The following LRCH1 variants were observed in gnomAD, a reference collection of about 807,000 sequenced individuals.
LRCH1 encodes leucine-rich repeat and calponin homology domain-containing protein 1.
In LRCH1, 23 loss-of-function variants were observed where a neutral mutation model predicts 94.9. The observed-to-expected ratio is 0.24, with a 90% confidence interval of 0.17 to 0.34. The LOEUF (loss-of-function observed/expected upper bound fraction) is 0.34. Among genes scored for constraint, LRCH1 ranks in the 10% least tolerant of loss-of-function variants. LRCH1 has a pLI of 1.00. For synonymous variants in LRCH1, 364 were observed against 354.9 expected, an observed-to-expected ratio of 1.03 and a Z score of -0.29; for missense variants, 790 against 945.9, an observed-to-expected ratio of 0.84 and a Z score of 2.16.
At chr13:46,648,679 G>A (rs2051253900) in intron 1 of LRCH1, among the ~76,000 whole-genome samples, 1 of 152,052 alleles carries the variant, frequency 6.6e-6, no homozygotes, top group South Asian at 2.1e-4. Context: ...TGAGATAATT[G>A]TCATCACCTT....
chr13:46,556,002 T>G (rs1370846867), intron 1 of LRCH1, among the ~76,000 whole-genome samples: 1 of 152,240 alleles, frequency 6.6e-6, no homozygotes, highest in Non-Finnish European at 1.5e-5. Flanking sequence ...CTAGTACAGT[T>G]GAAAGTTTGA....
In LRCH1 at chr13:46,689,209, A is replaced by T. The variant is rs199863265; in HGVS notation, c.1014+13A>T. On this transcript the variant is annotated intron_variant, in intron 7 of 19. Transcript: ENST00000389797. Reference sequence around the variant, plus strand: ...ATCTGCCACCGAGGTAAAGTTAGTGATCAGATTCTTTTCCTTCTGTACTTC... The same window carrying T: ...ATCTGCCACCGAGGTAAAGTTAGTGTTCAGATTCTTTTCCTTCTGTACTTC... 6.1e-5 allele frequency: 98 copies of T among 1,607,210 alleles called. No individual in the cohort carries two copies. The East Asian group carries it at 2.2e-3, about 36-fold the overall frequency.
intron 1 of LRCH1, among the ~76,000 whole-genome samples, chr13:46,557,853 C>A (rs1171226158): frequency 6.6e-6 from 1 of 151,834 alleles, no homozygotes; most frequent in Non-Finnish European, 1.5e-5. Flanking sequence ...AGAGAGACTC[C>A]ATCTCAAAAA....
At chr13:46,582,687 G>A (rs1278688440) in intron 1 of LRCH1, among the ~76,000 whole-genome samples, 2 of 36,146 alleles carry the variant, frequency 5.5e-5, no homozygotes, top group Admixed American at 4.0e-4. Flanking sequence ...TTTTAGTAGA[G>A]ACGGGGTCTC....
At position 46,709,099 on chromosome 13, in the gene LRCH1, G is replaced by A. The variant is rs1433789339; in HGVS notation, c.1528-2692G>A. Among the ~76,000 whole-genome samples the A allele has an allele frequency of 2.0e-5, 3 of 152,292 alleles. No homozygotes were observed. In the East Asian group the frequency reaches 5.8e-4, roughly 29 times the overall value. On this transcript the variant is annotated intron_variant, in intron 13 of 19. Transcript: ENST00000389797. ...AAACACTCCATCATTTAGGTAAAGT[G>A]TATATTATGTCCCTTTAAATTCATT... is the stretch of plus-strand genomic sequence containing the variant.
At chr13:46,640,126 T>G (rs2051140632) in intron 1 of LRCH1, among the ~76,000 whole-genome samples, 1 of 152,244 alleles carries the variant, frequency 6.6e-6, no homozygotes, top group Non-Finnish European at 1.5e-5. Context: ...AGTTGACTAC[T>G]AATTTAGTGG....
At chr13:46,704,929 A>G in intron 11 of LRCH1, 139 bp from the exon 12 acceptor site, 1 of 530,718 alleles carries the variant, frequency 1.9e-6, no homozygotes, top group South Asian at 3.4e-5. Flanking sequence ...AATTTCTGTC[A>G]TAAACTTTTC....
Position 46,744,648 on chromosome 13 carries a change from C to A in LRCH1, c.*2800C>A, listed in dbSNP as rs1185693573. ...TTTGTTTGTAAGAAATTAAAACTAG[C>A]GCGTGGTGAGCTGGGTTATCTCTCG... On this transcript the variant is annotated 3_prime_UTR_variant, in exon 20 of 20. Coordinates refer to ENST00000389797, the MANE Select transcript of LRCH1 (RefSeq NM_001164211.2). The A allele has an allele frequency of 4.1e-6, 4 of 985,222 alleles. No homozygotes were observed. The highest frequency in any genetic ancestry group is 4.8e-6 in the Non-Finnish European group (4 of 829,926). 61.0% of individuals were successfully genotyped at this position (985,222 alleles called of 1,614,324 possible).
At chr13:46,706,418 C>G (rs1871763411) in intron 13 of LRCH1, among the ~76,000 whole-genome samples, 2 of 152,124 alleles carry the variant, frequency 1.3e-5, no homozygotes, top group South Asian at 4.1e-4. Context: ...ACTGTACCAC[C>G]TCTTCCCTGG....
At chr13:46,618,234 C>T (rs546894919) in intron 1 of LRCH1, among the ~76,000 whole-genome samples, 37 of 152,302 alleles carry the variant, frequency 2.4e-4, no homozygotes, top group Non-Finnish European at 5.3e-4. Context: ...TCCTCTCCCC[C>T]TAACCTGACA....
chr13:46,585,801 A>T (rs2050429340), intron 1 of LRCH1, among the ~76,000 whole-genome samples: 1 of 151,646 alleles, frequency 6.6e-6, no homozygotes, highest in Admixed American at 6.6e-5. Flanking sequence ...TGATGTAATA[A>T]ATGTAATTAC....
chr13:46,674,827 A>G (rs1322298207), intron 3 of LRCH1, among the ~76,000 whole-genome samples: 1 of 152,252 alleles, frequency 6.6e-6, no homozygotes, highest in African/African-American at 2.4e-5. Flanking sequence ...GAAGAGGTAG[A>G]GCTGGAGTCA....
intron 1 of LRCH1, among the ~76,000 whole-genome samples, chr13:46,647,685 C>T (rs779652111): frequency 4.6e-5 from 7 of 152,102 alleles, no homozygotes. Flanking sequence ...ATTCTGAGAT[C>T]GTAAACACAA....
chr13:46,746,692 A>G (rs1873926610), downstream of LRCH1, among the ~76,000 whole-genome samples: 1 of 152,190 alleles, frequency 6.6e-6, no homozygotes, highest in African/African-American at 2.4e-5. Context: ...GGCCTGCTGG[A>G]AGGGCCACTT....
intron 2 of LRCH1, among the ~76,000 whole-genome samples, chr13:46,657,788 C>G (rs996630083): frequency 2.7e-5 from 4 of 148,582 alleles, no homozygotes; most frequent in Non-Finnish European, 5.9e-5. Context: ...CTTGGCCTCC[C>G]AAGGTGTTAG....
At chr13:46,605,300 C>G (rs1264847402) in intron 1 of LRCH1, among the ~76,000 whole-genome samples, 1 of 152,200 alleles carries the variant, frequency 6.6e-6, no homozygotes, top group African/African-American at 2.4e-5. Context: ...CTGGGCTGGG[C>G]TCCAAAGCTT....
At chr13:46,674,237 GTATCT>G (rs1206353711) in intron 3 of LRCH1, among the ~76,000 whole-genome samples, 6 of 152,106 alleles carry the variant, frequency 3.9e-5, no homozygotes, top group Admixed American at 1.3e-4. Context: ...TTGGAAAATG[GTATCT>G]TATCTTTCTA....
chr13:46,681,936 T>TTG (rs71077914), intron 4 of LRCH1, 90 bp downstream of exon 4: 22,906 of 518,884 alleles, frequency 0.044, 134 homozygotes, highest in Non-Finnish European at 0.054. Context: ...GGGTCGATCT[T>TTG]TGTGTGTGTG....
chr13:46,583,727 A>G (rs2050398461), intron 1 of LRCH1, among the ~76,000 whole-genome samples: 1 of 151,306 alleles, frequency 6.6e-6, no homozygotes, highest in Non-Finnish European at 1.5e-5. Flanking sequence ...ATTTGTGTTT[A>G]TATTATTTGC....
Sources: gnomAD v4.1 joint callset for allele counts (sites outside exome capture counted in the v4.1 genomes callset) on GRCh38, gnomAD v4.1.1 for gene constraint, MANE v1.5 for transcripts, NCBI Gene and HGNC (gene_info 2026-07-23, HGNC 2026-07-21) for gene names.